The following ERC2 variants were observed in gnomAD, a reference collection of about 807,000 sequenced individuals.
The protein encoded by ERC2 is ERC protein 2.
ERC2 carries 42 observed loss-of-function variants against 114.8 expected under a neutral mutation model. The ratio of observed to expected loss-of-function variants is 0.37; its 90% confidence interval spans 0.29 to 0.47. ERC2 has a LOEUF of 0.47. ERC2 is among the 20% of genes least tolerant of loss of function. ERC2 has a pLI of 0.99. For synonymous variants in ERC2, 454 were observed against 425.5 expected, an observed-to-expected ratio of 1.07 and a Z score of -0.82; for missense variants, 939 against 1,150.7, an observed-to-expected ratio of 0.82 and a Z score of 2.66.
chr3:56,050,571 C>G (rs967235573), intron 7 of ERC2, among the ~76,000 whole-genome samples: 2 of 152,174 alleles, frequency 1.3e-5, no homozygotes, highest in Non-Finnish European at 2.9e-5. Context: ...AACTGCTAAG[C>G]TCCACAACTC....
chr3:56,007,119 C>G (rs779525027), intron 10 of ERC2, 62 bp downstream of exon 10: 58 of 1,449,070 alleles, frequency 4.0e-5, no homozygotes, highest in Non-Finnish European at 5.2e-5. Flanking sequence ...ACGTCTCTTC[C>G]TGTTCCATTT....
intron 14 of ERC2, among the ~76,000 whole-genome samples, chr3:55,865,098 AACT>A (rs55706840): frequency 0.091 from 13,815 of 152,000 alleles, 695 homozygotes; most frequent in South Asian, 0.16. Flanking sequence ...ATTTCTTGGG[AACT>A]ACTGAAAAAG....
intron 16 of ERC2, among the ~76,000 whole-genome samples, chr3:55,693,640 G>A (rs936483060): frequency 1.3e-5 from 2 of 152,048 alleles, no homozygotes; most frequent in African/African-American, 2.4e-5. Flanking sequence ...TCACAAAACA[G>A]AAGAATGGAA....
intron 13 of ERC2, among the ~76,000 whole-genome samples, chr3:55,929,045 C>T (rs910425242): frequency 1.5e-4 from 23 of 152,114 alleles, no homozygotes; most frequent in African/African-American, 5.3e-4. Flanking sequence ...GGGAGTTAAC[C>T]TCTTTGGTGG....
intron 12 of ERC2, chr3:55,955,246 GTT>G (rs1194139742): frequency 4.6e-6 from 2 of 430,778 alleles, no homozygotes; most frequent in East Asian, 6.9e-5. Flanking sequence ...ATGGTGGTGT[GTT>G]TGTGTGTGTG....
intron 10 of ERC2, among the ~76,000 whole-genome samples, chr3:55,992,567 G>A (rs1293682528): frequency 6.6e-6 from 1 of 152,080 alleles, no homozygotes; most frequent in African/African-American, 2.4e-5. Context: ...TTTATTCCCG[G>A]TCATTTGATA....
intron 2 of ERC2, among the ~76,000 whole-genome samples, chr3:56,334,449 C>T (rs78872957): frequency 0.02 from 3,020 of 152,262 alleles, 113 homozygotes; most frequent in African/African-American, 0.068. Flanking sequence ...CCAGCTATGG[C>T]GAGACCATAC....
rs147892116 is a variant in ERC2, at chr3:55,707,174, C to T, written c.2713-7662G>A. On this transcript the variant is annotated intron_variant, in intron 15 of 17. Transcript: ENST00000288221. ...TGTGGCCAGGCGCAGTGGCTCATGC[C>T]TGAAATCTCAGCACTTTGGGAGGCA... Among the ~76,000 whole-genome samples, 594 of 152,284 alleles carry T rather than the reference C, an allele frequency of 3.9e-3. 9 individuals are homozygous for T. Among genetic ancestry groups the T allele is most frequent in the Admixed American group, 0.024 (361 of 15,290 alleles).
chr3:55,882,230 C>A (rs1174444860), intron 14 of ERC2, among the ~76,000 whole-genome samples: 1 of 152,168 alleles, frequency 6.6e-6, no homozygotes, highest in African/African-American at 2.4e-5. Flanking sequence ...TGCTTCCTCT[C>A]TCCCCATGTG....
chr3:55,821,629 C>T (rs973996883), intron 14 of ERC2, among the ~76,000 whole-genome samples: 33 of 152,334 alleles, frequency 2.2e-4, no homozygotes, highest in African/African-American at 7.9e-4. Context: ...TCTGACAAAG[C>T]TGATGGTCAT....
intron 13 of ERC2, among the ~76,000 whole-genome samples, chr3:55,950,186 A>C (rs1307086029): frequency 6.6e-6 from 1 of 152,236 alleles, no homozygotes; most frequent in Admixed American, 6.5e-5. Flanking sequence ...GGTGAGGTAC[A>C]GGAACCAAAA....
At chr3:56,054,570 C>T (rs1002102017) in intron 7 of ERC2, among the ~76,000 whole-genome samples, 2 of 152,164 alleles carry the variant, frequency 1.3e-5, no homozygotes, top group African/African-American at 4.8e-5. Flanking sequence ...CTGCTGGATA[C>T]TTTTAACATC....
At chr3:55,941,003 C>A (rs1012830878) in intron 13 of ERC2, among the ~76,000 whole-genome samples, 1 of 152,180 alleles carries the variant, frequency 6.6e-6, no homozygotes, top group Non-Finnish European at 1.5e-5. Flanking sequence ...GAAACAGCAT[C>A]GGCTCTTTCT....
chr3:55,698,926 G>A (rs577761282), intron 16 of ERC2, among the ~76,000 whole-genome samples: 4 of 152,262 alleles, frequency 2.6e-5, no homozygotes, highest in Admixed American at 1.3e-4. Flanking sequence ...CTAAAACGCA[G>A]GCAAAACGGA....
At chr3:56,355,432 C>T (rs2058712104) in intron 2 of ERC2, among the ~76,000 whole-genome samples, 1 of 151,936 alleles carries the variant, frequency 6.6e-6, no homozygotes, top group Admixed American at 6.6e-5. Context: ...GATCTTCCCA[C>T]CTCAGCCTCC....
At chr3:56,376,280 T>C (rs1463723115) in intron 2 of ERC2, among the ~76,000 whole-genome samples, 1 of 152,032 alleles carries the variant, frequency 6.6e-6, no homozygotes, top group Non-Finnish European at 1.5e-5. Flanking sequence ...TCTACCAAAC[T>C]CTCTCAGACT....
intron 3 of ERC2, among the ~76,000 whole-genome samples, chr3:56,266,949 T>C (rs1250708773): frequency 6.6e-6 from 1 of 152,146 alleles, no homozygotes; most frequent in Non-Finnish European, 1.5e-5. Flanking sequence ...TTATTCACAA[T>C]AGCCAAGATA....
intron 17 of ERC2, chr3:55,613,080 TAAA>T (rs962905872): frequency 1.3e-5 from 2 of 152,216 alleles, no homozygotes; most frequent in African/African-American, 4.8e-5. Flanking sequence ...TGTCTAGAAA[TAAA>T]TGTACTTTTC....
At chr3:56,142,079 A>C (rs2080887253) in intron 5 of ERC2, among the ~76,000 whole-genome samples, 1 of 152,158 alleles carries the variant, frequency 6.6e-6, no homozygotes, top group African/African-American at 2.4e-5. Context: ...TCTTTTTCCA[A>C]AGAACATTAC....
Sources: allele counts gnomAD v4.1 joint callset (sites outside exome capture counted in the v4.1 genomes callset), GRCh38; gene constraint gnomAD v4.1.1; transcripts MANE v1.5; gene names NCBI Gene and HGNC (gene_info 2026-07-23, HGNC 2026-07-21).